The following HPSE2 variants were observed in gnomAD, a reference collection of about 807,000 sequenced individuals.
HPSE2 encodes the protein inactive heparanase-2.
In HPSE2, 38 loss-of-function variants were observed where a neutral mutation model predicts 60.5. That is an observed-to-expected ratio of 0.63 (90% CI 0.48 to 0.82). The LOEUF (loss-of-function observed/expected upper bound fraction) is 0.82, where lower values mean the gene tolerates loss of function less well. HPSE2 is among the 40% of genes least tolerant of loss of function. HPSE2 has a pLI of 0.00. For synonymous variants in HPSE2, 295 were observed against 293.2 expected (o/e 1.01, Z -0.06); for missense variants, 713 against 740.4 (o/e 0.96, Z 0.43).
chr10:99,165,529 G>GCATT (rs141677225), intron 2 of HPSE2, among the ~76,000 whole-genome samples: 1 of 143,986 alleles, frequency 6.9e-6, no homozygotes, highest in Non-Finnish European at 1.5e-5. Context: ...ATTTATTTAC[G>GCATT]TATTTATTTA....
intron 2 of HPSE2, among the ~76,000 whole-genome samples, chr10:99,196,214 G>A (rs1356649387): frequency 1.3e-5 from 2 of 152,052 alleles, no homozygotes; most frequent in African/African-American, 2.4e-5. Context: ...AATCAAAATG[G>A]ATTAAAAACT....
chr10:98,757,479 T>C (rs1949904846), intron 3 of HPSE2, among the ~76,000 whole-genome samples: 1 of 151,976 alleles, frequency 6.6e-6, no homozygotes, highest in African/African-American at 2.4e-5. Context: ...ACAACTTCAG[T>C]AAAGTTTCAG....
At chr10:98,676,867 T>C (rs762502455) in intron 6 of HPSE2, among the ~76,000 whole-genome samples, 1 of 152,202 alleles carries the variant, frequency 6.6e-6, no homozygotes, top group Non-Finnish European at 1.5e-5. Flanking sequence ...TCTTTTTGCT[T>C]CTTTAACCTG....
At chr10:98,463,064 G>A (rs1188371219) in intron 11 of HPSE2, among the ~76,000 whole-genome samples, 2 of 151,892 alleles carry the variant, frequency 1.3e-5, no homozygotes, top group Non-Finnish European at 2.9e-5. Context: ...CCTTGTGTAG[G>A]GTAGCCAAGT....
chr10:98,864,706 T>C (rs1952544687), intron 3 of HPSE2, among the ~76,000 whole-genome samples: 1 of 152,162 alleles, frequency 6.6e-6, no homozygotes, highest in Admixed American at 6.5e-5. Flanking sequence ...GTCAAAGCCA[T>C]GCATTATGCA....
At chr10:99,102,467 C>A (rs370963166) in intron 3 of HPSE2, among the ~76,000 whole-genome samples, 23 of 152,114 alleles carry the variant, frequency 1.5e-4, no homozygotes, top group East Asian at 9.7e-4. Context: ...CAATAACAGG[C>A]TCTGAAATTG....
chr10:98,615,572 G>C (rs753937299), intron 8 of HPSE2, among the ~76,000 whole-genome samples: 20 of 152,286 alleles, frequency 1.3e-4, no homozygotes, highest in Non-Finnish European at 2.5e-4. Flanking sequence ...GGCACTATAA[G>C]TAACTATTCA....
At chr10:98,993,617 A>G (rs1956577094) in intron 3 of HPSE2, among the ~76,000 whole-genome samples, 1 of 152,206 alleles carries the variant, frequency 6.6e-6, no homozygotes, top group African/African-American at 2.4e-5. Flanking sequence ...GCTTCCATTT[A>G]TTAAGGAAGC....
chr10:98,805,850 T>C lies in HPSE2; in HGVS notation c.611-61794A>G, dbSNP rs1951030443. Reference sequence around the variant, plus strand: ...CTTCCAAGTATAGTGTAATTTATTTTGCCATGAATATTAGCTAAAAGTAAA... The same window carrying C: ...CTTCCAAGTATAGTGTAATTTATTTCGCCATGAATATTAGCTAAAAGTAAA... On this transcript the variant is annotated intron_variant, in intron 3 of 11. Transcript: ENST00000370552. Among the ~76,000 whole-genome samples the C allele has an allele frequency of 2.0e-5, 3 of 152,160 alleles. 1 individual carries two copies. The highest frequency in any genetic ancestry group is 4.1e-4 in the South Asian group (2 of 4,824).
At chr10:99,075,170 T>C (rs564357144) in intron 3 of HPSE2, among the ~76,000 whole-genome samples, 2 of 152,298 alleles carry the variant, frequency 1.3e-5, no homozygotes, top group East Asian at 1.9e-4. Flanking sequence ...TTTATCACTA[T>C]CAACTTTTCT....
chr10:98,852,012 A>G (rs1049378702), intron 3 of HPSE2, among the ~76,000 whole-genome samples: 2 of 151,994 alleles, frequency 1.3e-5, no homozygotes, highest in African/African-American at 2.4e-5. Flanking sequence ...GACTGTTTGC[A>G]GACAGCACTA....
At chr10:98,599,647 G>C (rs190888337) in intron 9 of HPSE2, among the ~76,000 whole-genome samples, 1 of 152,276 alleles carries the variant, frequency 6.6e-6, no homozygotes, top group Non-Finnish European at 1.5e-5. Context: ...CCAAGTGCAG[G>C]GTATCTCTTT....
intron 9 of HPSE2, among the ~76,000 whole-genome samples, chr10:98,532,029 T>C (rs1013386303): frequency 3.9e-5 from 6 of 152,076 alleles, no homozygotes; most frequent in African/African-American, 1.4e-4. Context: ...CCCCAGAAGG[T>C]CCTTATTTCT....
intron 3 of HPSE2, among the ~76,000 whole-genome samples, chr10:99,121,355 C>T (rs921072625): frequency 1.3e-5 from 2 of 151,998 alleles, no homozygotes; most frequent in Non-Finnish European, 2.9e-5. Flanking sequence ...AGGTTTAATA[C>T]CTCGGTGATC....
At chr10:98,981,518 G>T (rs1956206315) in intron 3 of HPSE2, among the ~76,000 whole-genome samples, 1 of 152,108 alleles carries the variant, frequency 6.6e-6, no homozygotes, top group African/African-American at 2.4e-5. Flanking sequence ...AAGTTGGCAT[G>T]ATATATGTTT....
At chr10:98,866,867 T>C (rs190202204) in intron 3 of HPSE2, among the ~76,000 whole-genome samples, 2 of 152,246 alleles carry the variant, frequency 1.3e-5, no homozygotes, top group African/African-American at 4.8e-5. Context: ...ACCTGAACTA[T>C]AAGAAATGTT....
At chr10:99,053,212 G>T (rs909774246) in intron 3 of HPSE2, among the ~76,000 whole-genome samples, 1 of 151,892 alleles carries the variant, frequency 6.6e-6, no homozygotes, top group Non-Finnish European at 1.5e-5. Flanking sequence ...TAAAATACAT[G>T]ACAACAGTAC....
At chr10:99,215,416 A>AACACATGG (rs1849086603) in intron 2 of HPSE2, among the ~76,000 whole-genome samples, 1 of 152,190 alleles carries the variant, frequency 6.6e-6, no homozygotes, top group African/African-American at 2.4e-5. Flanking sequence ...GAACAACGAG[A>AACACATGG]ACACATGGAC....
Position 98,957,206 on chromosome 10 carries a change from T to G in HPSE2, c.610+187032A>C, listed in dbSNP as rs79018824. Among the ~76,000 whole-genome samples, 519 of 152,286 alleles carry G rather than the reference T, an allele frequency of 3.4e-3. 2 individuals carry two copies. Among genetic ancestry groups the G allele is most frequent in the African/African-American group, 0.012 (495 of 41,564 alleles). The stretch of plus-strand genomic sequence containing the variant: ...TGAGGTATGACCAGCTGCACATGTC[T>G]TTACACTAAAAGCATGCTATATGAA... On this transcript the variant is annotated intron_variant, in intron 3 of 11. Coordinates refer to ENST00000370552, the MANE Select transcript of HPSE2 (RefSeq NM_021828.5).
Sources: allele counts gnomAD v4.1 joint callset (sites outside exome capture counted in the v4.1 genomes callset), GRCh38; gene constraint gnomAD v4.1.1; transcripts MANE v1.5; gene names NCBI Gene and HGNC (gene_info 2026-07-23, HGNC 2026-07-21).